Variants in PCDHGA1 observed in about 807,000 individuals in gnomAD.
PCDHGA1 encodes protocadherin gamma subfamily A, 1.
Under a neutral mutation model 58.0 loss-of-function variants are expected in PCDHGA1, and 32 were observed. The ratio of observed to expected loss-of-function variants is 0.55; its 90% CI spans 0.42 to 0.74. The LOEUF is 0.74. Ranked by LOEUF, PCDHGA1 falls within the 30% of genes least tolerant of loss-of-function variation. PCDHGA1 has a pLI of 0.00. For synonymous variants in PCDHGA1, 498 were observed against 501.1 expected, an observed-to-expected ratio of 0.99 and a Z score of 0.08; for missense variants, 1,205 against 1,182.3, an observed-to-expected ratio of 1.02 and a Z score of -0.28.
Position 141,331,523 on chromosome 5 carries a change from C to A in PCDHGA1, c.839C>A (p.Ser280Tyr). Residue 280 changes from serine to tyrosine, a missense_variant, in exon 1 of 4, where the codon TCC (serine) becomes TAC (tyrosine). By Grantham distance (144) the Ser-to-Tyr change is moderately radical. Coordinates refer to ENST00000517417, the MANE Select transcript of PCDHGA1 (RefSeq NM_018912.3). ...GGAGCCAATGGGGAAGTAACGTACTCCTTTCACAATGTAGACCACAGAGTG... is the reference window on the plus strand; with the variant it reads ...GGAGCCAATGGGGAAGTAACGTACTACTTTCACAATGTAGACCACAGAGTG... ...DEGANGEVTY[S>Y]FHNVDHRVAQ... 6.2e-7 allele frequency: 1 copy of A among 1,614,182 alleles called. No individual in the cohort carries two copies. The highest frequency in any genetic ancestry group is 1.1e-5 in the South Asian group (1 of 91,082).
chr5:141,470,550 A>G (rs899475300), intron 1 of PCDHGA1, among the ~76,000 whole-genome samples: 1 of 152,120 alleles, frequency 6.6e-6, no homozygotes, highest in Non-Finnish European at 1.5e-5. Flanking sequence ...ATTTATTGAG[A>G]GTTTCCTCTG....
In PCDHGA1 at chr5:141,511,618, T is replaced by C. The variant is rs1227028784; in HGVS notation, c.*445T>C. 4.3e-6 allele frequency: 1 copy of C among 232,232 alleles called. No homozygotes were observed. Among genetic ancestry groups the C allele is most frequent in the East Asian group, 9.9e-5 (1 of 10,122 alleles). 14.4% of individuals were successfully genotyped at this position (232,232 alleles called of 1,614,324 possible). A position where few individuals can be genotyped will look rare whatever the true frequency, so the allele number is the denominator to read the frequency against. ...AAGTAACCTACAAGCCTCCTAGTTCTGAAAAGTTGGAAGGGCATCATGACC... is the reference window on the plus strand; with the variant it reads ...AAGTAACCTACAAGCCTCCTAGTTCCGAAAAGTTGGAAGGGCATCATGACC... On this transcript the variant is annotated 3_prime_UTR_variant, in exon 4 of 4. Transcript: ENST00000517417.
intron 1 of PCDHGA1, chr5:141,478,044 C>A (rs1302168166): frequency 1.9e-6 from 3 of 1,614,184 alleles, no homozygotes; most frequent in South Asian, 1.1e-5. Flanking sequence ...CCCAGGCAGA[C>A]TCTCACGGTC....
intron 1 of PCDHGA1, chr5:141,367,050 A>C (rs1056212964): frequency 1.2e-5 from 4 of 330,762 alleles, no homozygotes; most frequent in African/African-American, 2.2e-5. Context: ...TTAATAGAAA[A>C]GATGTTTTAT....
chr5:141,468,749 C>G (rs1237051053), intron 1 of PCDHGA1, among the ~76,000 whole-genome samples: 1 of 151,962 alleles, frequency 6.6e-6, no homozygotes, highest in Non-Finnish European at 1.5e-5. Context: ...GCCTGTAGTC[C>G]CAGCTACTCG....
chr5:141,483,637 G>C (rs1365525499), intron 1 of PCDHGA1, among the ~76,000 whole-genome samples: 2 of 145,762 alleles, frequency 1.4e-5, no homozygotes. Context: ...AAGGTATAGA[G>C]GGGTGTGTGT....
intron 1 of PCDHGA1, chr5:141,364,117 G>A: frequency 2.2e-6 from 1 of 453,996 alleles, no homozygotes; most frequent in Non-Finnish European, 3.8e-6. Flanking sequence ...TTAGGACTCT[G>A]AGTGTCGCTG....
chr5:141,364,637 G>A lies in PCDHGA1; in HGVS notation c.2421+31532G>A, dbSNP rs979445562. ...GCTCTGCGCTCAGAGCCCACTGTGT[G>A]TGGTGAACTTTAACATCTTGGTTGA... is the stretch of plus-strand genomic sequence containing the variant. On this transcript the variant is annotated intron_variant, in intron 1 of 3. Transcript: ENST00000517417. 1.7e-5 allele frequency: 28 copies of A among 1,614,030 alleles called. No homozygotes were observed. Among genetic ancestry groups the A allele is most frequent in the Non-Finnish European group, 2.4e-5 (28 of 1,179,966 alleles).
chr5:141,332,016 T>TA lies in PCDHGA1; in HGVS notation c.1333dup (p.Ile445AsnfsTer3), dbSNP rs756862097. ...CTCACATTTCACTACTAGTGACAGA[T>TA]ATCAATGACAACTCCCCAGTCTTCC... On this transcript the variant is annotated frameshift_variant, in exon 1 of 4. Transcript: ENST00000517417. LOFTEE classifies it high-confidence loss of function. The surrounding 1 kb of genome is among the most constrained non-coding windows in gnomAD (Gnocchi z 4.6). 1 of 1,614,174 alleles carries TA rather than the reference T, an allele frequency of 6.2e-7. No homozygotes were observed. The highest frequency in any genetic ancestry group is 1.1e-5 in the South Asian group (1 of 91,084).
rs746696159 is a variant in PCDHGA1 at position 141,383,050 on chromosome 5, G to T, written c.2421+49945G>T. 23 of 1,613,778 alleles carry T rather than the reference G, an allele frequency of 1.4e-5. No individual in the cohort carries two copies. The Admixed American group carries it at 1.7e-4, about 12-fold the overall frequency. ...GTCCTTTGTGGGAGACATCGCCAAG[G>T]ACCTGGGGCTGGAGCCCCGGGAGCT... On this transcript the variant is annotated intron_variant, in intron 1 of 3. Transcript: ENST00000517417.
chr5:141,372,272 G>A (rs1220492258), intron 1 of PCDHGA1: 1 of 1,613,124 alleles, frequency 6.2e-7, no homozygotes, highest in South Asian at 1.1e-5. Flanking sequence ...CGGGTGAGGT[G>A]CGCACGGCGC....
intron 1 of PCDHGA1, chr5:141,346,131 G>A: frequency 1.2e-6 from 2 of 1,613,962 alleles, no homozygotes; most frequent in Non-Finnish European, 1.7e-6. Flanking sequence ...GGTGGCCGCG[G>A]TCTCCTGCGT....
intron 1 of PCDHGA1, chr5:141,416,335 C>A (rs573998059): frequency 6.6e-6 from 1 of 152,256 alleles, no homozygotes; most frequent in Non-Finnish European, 1.5e-5. Flanking sequence ...ACTTTCATTG[C>A]TCAATAGGGA....
chr5:141,488,170 T>C (rs554585709), intron 1 of PCDHGA1, among the ~76,000 whole-genome samples: 2 of 152,318 alleles, frequency 1.3e-5, no homozygotes, highest in African/African-American at 2.4e-5. Context: ...ATCAGAGTGG[T>C]GGCATAGATC....
chr5:141,371,145 G>T lies in PCDHGA1; in HGVS notation c.2421+38040G>T, dbSNP rs144065486. The T allele has an allele frequency of 2.5e-6, 4 of 1,613,912 alleles. No homozygotes were observed. In the African/African-American group the frequency reaches 5.3e-5, roughly 22 times the overall value. On this transcript the variant is annotated intron_variant, in intron 1 of 3. Coordinates refer to ENST00000517417, the MANE Select transcript of PCDHGA1 (RefSeq NM_018912.3). ...TACTCAGGACATGTACAGGGTCAAT[G>T]TTGCAGAGAACCTGCCCGCTGGCTC...
chr5:141,374,065 AG>A, intron 1 of PCDHGA1: 1 of 1,497,724 alleles, frequency 6.7e-7, no homozygotes, highest in Non-Finnish European at 8.9e-7. Context: ...ATCCCAGAGA[AG>A]TTCCTAATAA....
chr5:141,378,863 G>C (rs934816631), intron 1 of PCDHGA1: 1 of 152,136 alleles, frequency 6.6e-6, no homozygotes, highest in Non-Finnish European at 1.5e-5. Context: ...AATGATGTTC[G>C]AATAGAAAAT....
intron 1 of PCDHGA1, among the ~76,000 whole-genome samples, chr5:141,481,109 A>G (rs959629019): frequency 6.6e-6 from 1 of 152,186 alleles, no homozygotes; most frequent in Non-Finnish European, 1.5e-5. Flanking sequence ...GGAACCTACC[A>G]ATCCATCATT....
At chr5:141,355,184 T>C in intron 1 of PCDHGA1, 2 of 1,586,600 alleles carry the variant, frequency 1.3e-6, no homozygotes, top group Non-Finnish European at 1.7e-6. Flanking sequence ...CACAGGCGAC[T>C]CCGCGGCGGG....
Sources: allele counts gnomAD v4.1 joint callset (sites outside exome capture counted in the v4.1 genomes callset), GRCh38; gene constraint gnomAD v4.1.1; non-coding constraint Gnocchi (gnomAD v3.1); transcripts MANE v1.5; gene names NCBI Gene and HGNC (gene_info 2026-07-23, HGNC 2026-07-21).